Variants in TENM3 observed in about 807,000 individuals in gnomAD.
TENM3 encodes the protein teneurin transmembrane protein 3.
In TENM3, 63 loss-of-function variants were observed where a neutral mutation model predicts 255.1. That is an observed-to-expected ratio of 0.25 (90% CI 0.20 to 0.30). TENM3 has a LOEUF of 0.30. Ranked by LOEUF, TENM3 falls within the 10% of genes least tolerant of loss-of-function variation. The pLI, the probability that TENM3 is intolerant of heterozygous loss-of-function variation, is 1.00. For missense variants in TENM3, 2,929 were observed against 3,461.1 expected, an observed-to-expected ratio of 0.85 and a Z score of 3.86; for synonymous variants, 1,306 against 1,322.3, an observed-to-expected ratio of 0.99 and a Z score of 0.27.
chr4:182,039,043 A>G, the TENM3 span, among the ~76,000 whole-genome samples: 1 of 152,128 alleles, frequency 6.6e-6, no homozygotes, highest in African/African-American at 2.4e-5. Context: ...ATAAAATAAC[A>G]TAGTCTAAAA....
At chr4:181,779,703 A>G in the TENM3 span, among the ~76,000 whole-genome samples, 1 of 152,118 alleles carries the variant, frequency 6.6e-6, no homozygotes, top group Non-Finnish European at 1.5e-5. Context: ...TTTGTTACAT[A>G]TGTATACGTG....
chr4:182,696,755 C>T (rs1251618588), intron 12 of TENM3, among the ~76,000 whole-genome samples: 2 of 151,938 alleles, frequency 1.3e-5, no homozygotes, highest in Non-Finnish European at 1.5e-5. Flanking sequence ...TATGACTTCT[C>T]TCATGTTTGT....
chr4:182,436,236 G>A (rs1772035395), intron 3 of TENM3, among the ~76,000 whole-genome samples: 1 of 152,172 alleles, frequency 6.6e-6, no homozygotes, highest in African/African-American at 2.4e-5. Flanking sequence ...TAATAAGTAA[G>A]GGAGATGTTT....
the TENM3 span, among the ~76,000 whole-genome samples, chr4:182,052,642 A>G: frequency 6.6e-6 from 1 of 151,788 alleles, no homozygotes; most frequent in Non-Finnish European, 1.5e-5. Context: ...TTCACCTAAC[A>G]TTCCTCCCCA....
At chr4:182,257,418 G>A (rs953142346) in intron 1 of TENM3, among the ~76,000 whole-genome samples, 1 of 152,158 alleles carries the variant, frequency 6.6e-6, no homozygotes, top group Admixed American at 6.5e-5. Flanking sequence ...CTTAGAGGAC[G>A]CTGGATAATG....
chr4:182,743,020 T>A, intron 18 of TENM3, 150 bp from the exon 19 acceptor site: 2 of 818,316 alleles, frequency 2.4e-6, no homozygotes, highest in Non-Finnish European at 3.7e-6. Context: ...GGTAGTTGAA[T>A]ACAATTCATT....
the TENM3 span, among the ~76,000 whole-genome samples, chr4:181,948,322 T>A: frequency 8.5e-5 from 13 of 152,202 alleles, no homozygotes; most frequent in African/African-American, 2.9e-4. Flanking sequence ...ATAAAACGAA[T>A]TTAATTTCTT....
At chr4:182,330,662 G>A (rs1763689398) in intron 2 of TENM3, among the ~76,000 whole-genome samples, 1 of 152,232 alleles carries the variant, frequency 6.6e-6, no homozygotes, top group South Asian at 2.1e-4. Flanking sequence ...CACGTCAACA[G>A]TGTACACACA....
At chr4:182,022,170 TA>T in the TENM3 span, among the ~76,000 whole-genome samples, 83,130 of 144,238 alleles carry the variant, frequency 0.58, 23,149 homozygotes, top group Middle Eastern at 0.63. Context: ...GTGGATTGGA[TA>T]AAAAAAAAAA....
intron 4 of TENM3, among the ~76,000 whole-genome samples, chr4:182,605,637 T>C (rs1748346296): frequency 6.6e-6 from 1 of 152,136 alleles, no homozygotes; most frequent in African/African-American, 2.4e-5. Flanking sequence ...TTTGTGAGAA[T>C]GGGAAGAAAC....
chr4:182,623,620 G>A (rs1430482109), intron 4 of TENM3, among the ~76,000 whole-genome samples: 1 of 151,946 alleles, frequency 6.6e-6, no homozygotes, highest in Admixed American at 6.6e-5. Context: ...GTGAGCCACC[G>A]CACCCGGCCT....
chr4:181,500,088 G>A, the TENM3 span, among the ~76,000 whole-genome samples: 4 of 152,114 alleles, frequency 2.6e-5, no homozygotes, highest in Non-Finnish European at 5.9e-5. Context: ...GAGTGCAGTG[G>A]TGTGATCTCG....
chr4:182,362,424 T>C (rs1041418047), intron 3 of TENM3, among the ~76,000 whole-genome samples: 3 of 151,808 alleles, frequency 2.0e-5, no homozygotes, highest in African/African-American at 7.3e-5. Flanking sequence ...GCCTGGGCAA[T>C]GGTGGTCGCC....
intron 24 of TENM3, among the ~76,000 whole-genome samples, 187 bp downstream of exon 24, chr4:182,775,340 CAGGTCGTG>C (rs1190386045): frequency 4.6e-5 from 7 of 151,952 alleles, no homozygotes; most frequent in Non-Finnish European, 8.8e-5. Context: ...GGAGGGAGGT[CAGGTCGTG>C]AGAGGGCTGA....
chr4:182,139,471 A>C (rs1749245089), upstream of TENM3, among the ~76,000 whole-genome samples: 1 of 152,230 alleles, frequency 6.6e-6, no homozygotes, highest in Non-Finnish European at 1.5e-5. Flanking sequence ...GTTTGACTAA[A>C]AAATTGTCCT....
chr4:182,050,578 C>T, the TENM3 span, among the ~76,000 whole-genome samples: 7 of 152,098 alleles, frequency 4.6e-5, no homozygotes, highest in South Asian at 2.1e-4. Context: ...CCAAGGCAGA[C>T]GGATTGCTTG....
intron 1 of TENM3, among the ~76,000 whole-genome samples, chr4:182,298,984 C>CAA (rs11283401): frequency 0.037 from 935 of 25,552 alleles, 202 homozygotes; most frequent in Non-Finnish European, 0.051. Flanking sequence ...GACTCCTTCT[C>CAA]AAAAAAAAAA....
intron 3 of TENM3, among the ~76,000 whole-genome samples, chr4:182,594,124 C>G (rs933192469): frequency 6.6e-6 from 1 of 152,164 alleles, no homozygotes; most frequent in African/African-American, 2.4e-5. Context: ...TGTGTGAGAA[C>G]TGGCAAGAGG....
At chr4:181,622,730 C>G in the TENM3 span, among the ~76,000 whole-genome samples, 1 of 152,088 alleles carries the variant, frequency 6.6e-6, no homozygotes, top group Non-Finnish European at 1.5e-5. Flanking sequence ...GGGAGGGCTT[C>G]ATTGAAATAG....
Sources: allele counts gnomAD v4.1 joint callset (sites outside exome capture counted in the v4.1 genomes callset), GRCh38; gene constraint gnomAD v4.1.1; transcripts MANE v1.5; gene names NCBI Gene and HGNC (gene_info 2026-07-23, HGNC 2026-07-21).